TBC1D7: variants seen among roughly 807,000 people sequenced by gnomAD.
The protein encoded by TBC1D7 is TBC1 domain family member 7.
A neutral mutation model predicts 35.3 loss-of-function variants in TBC1D7; 33 were observed. That is an observed-to-expected ratio of 0.93 (90% CI 0.71 to 1.25). The LOEUF is 1.25. TBC1D7 is among the 50% of genes most tolerant of loss of function. The pLI, the probability that TBC1D7 is intolerant of heterozygous loss-of-function variation, is 0.00. For synonymous variants in TBC1D7, 135 were observed against 129.5 expected (o/e 1.04, Z -0.29); for missense variants, 362 against 365.3 (o/e 0.99, Z 0.07).
chr6:13,308,694 A>G (rs911501449), intron 5 of TBC1D7, among the ~76,000 whole-genome samples: 2 of 152,184 alleles, frequency 1.3e-5, no homozygotes, highest in Non-Finnish European at 2.9e-5. Context: ...CTCAATATCT[A>G]TACCTCTCTG....
intron 1 of TBC1D7, among the ~76,000 whole-genome samples, chr6:13,327,248 T>C (rs1250388713): frequency 6.6e-6 from 1 of 152,052 alleles, no homozygotes; most frequent in East Asian, 1.9e-4. Flanking sequence ...AGAAAAAAAA[T>C]AAGTGAAATG....
chr6:13,320,484 C>T lies in TBC1D7; in HGVS notation c.381+424G>A, dbSNP rs189454529. On this transcript the variant is annotated intron_variant, in intron 4 of 7. Coordinates refer to ENST00000379300, the MANE Select transcript of TBC1D7 (RefSeq NM_016495.6). Reference sequence around the variant, plus strand: ...AAAAAAAAATGTGTTTAAAAAAATACGTTTTAAAACAACAAAGCAAAACAG... The same window carrying T: ...AAAAAAAAATGTGTTTAAAAAAATATGTTTTAAAACAACAAAGCAAAACAG... 1,297 of 454,900 alleles carry T rather than the reference C, an allele frequency of 2.9e-3. 2 individuals are homozygous for T. Among genetic ancestry groups the T allele is most frequent in the Non-Finnish European group, 4.2e-3 (1,084 of 257,590 alleles). The allele number at this position is 454,900 out of a possible 1,614,324, so 28.2% of individuals were successfully genotyped here.
intron 6 of TBC1D7, 36 bp downstream of exon 6, chr6:13,307,564 C>A: frequency 6.2e-7 from 1 of 1,610,990 alleles, no homozygotes; most frequent in Non-Finnish European, 8.5e-7. Flanking sequence ...TGCTCTAACG[C>A]CAAGCCTTCA....
chr6:13,327,083 A>G, intron 1 of TBC1D7, 177 bp from the exon 2 acceptor site: 1 of 475,108 alleles, frequency 2.1e-6, no homozygotes. Context: ...TTCTGCAACT[A>G]TCTCACCTAT....
intron 2 of TBC1D7, 82 bp downstream of exon 2, chr6:13,326,705 T>C (rs1031171269): frequency 2.6e-4 from 210 of 802,928 alleles, no homozygotes; most frequent in Non-Finnish European, 3.1e-4. Context: ...CCAATGCTTC[T>C]GGATGTCTTT....
chr6:13,321,931 T>C (rs1784070771), intron 3 of TBC1D7, among the ~76,000 whole-genome samples: 1 of 152,182 alleles, frequency 6.6e-6, no homozygotes, highest in Non-Finnish European at 1.5e-5. Flanking sequence ...GGCACTAAGT[T>C]TTGCCATAAA....
At chr6:13,305,711 C>T (rs971071113) in intron 7 of TBC1D7, 10 of 174,246 alleles carry the variant, frequency 5.7e-5, no homozygotes, top group Admixed American at 5.4e-4. Flanking sequence ...CTCTTTAATC[C>T]TACTTCTTGC....
At chr6:13,323,095 G>T (rs372951181) in intron 3 of TBC1D7, among the ~76,000 whole-genome samples, 1 of 152,198 alleles carries the variant, frequency 6.6e-6, no homozygotes, top group Non-Finnish European at 1.5e-5. Flanking sequence ...TCTCATGCCT[G>T]TAATCCCAGC....
chr6:13,307,696 G>T lies in TBC1D7; in HGVS notation c.569C>A (p.Thr190Asn). Residue 190 changes from threonine (T) to asparagine (N), a missense_variant, in exon 6 of 8, where the codon ACT (threonine) becomes AAT (asparagine). Transcript: ENST00000379300. The part of the protein sequence containing the change: ...YLNLEDGRLL[T>N]HLRMCSAAPK... ...CGCCGCGGAACACATCCTCAGATGAGTCAGCAGTCTGCCATCTTCCAGATT... is the reference window on the plus strand; with the variant it reads ...CGCCGCGGAACACATCCTCAGATGATTCAGCAGTCTGCCATCTTCCAGATT... 1 of 1,614,126 alleles carries T rather than the reference G, an allele frequency of 6.2e-7. No homozygotes were observed. Among genetic ancestry groups the T allele is most frequent in the Non-Finnish European group, 8.5e-7 (1 of 1,179,996 alleles).
chr6:13,317,176 C>T (rs2496130), intron 4 of TBC1D7, among the ~76,000 whole-genome samples: 46,356 of 152,130 alleles, frequency 0.3, 7,509 homozygotes, highest in South Asian at 0.43. Flanking sequence ...AAAGCATTCA[C>T]GCATACCTTC....
intron 5 of TBC1D7, among the ~76,000 whole-genome samples, chr6:13,313,573 A>G (rs954868225): frequency 9.9e-5 from 15 of 152,228 alleles, no homozygotes; most frequent in Middle Eastern, 3.2e-3. Context: ...GCATACACAC[A>G]GGGAGCCTGG....
At chr6:13,313,696 T>C (rs946923579) in intron 5 of TBC1D7, among the ~76,000 whole-genome samples, 2 of 152,134 alleles carry the variant, frequency 1.3e-5, no homozygotes, top group Non-Finnish European at 2.9e-5. Flanking sequence ...ATGAGTGCCT[T>C]TCAACCCTTA....
At chr6:13,325,628 A>G (rs1484809346) in intron 2 of TBC1D7, among the ~76,000 whole-genome samples, 1 of 152,260 alleles carries the variant, frequency 6.6e-6, no homozygotes, top group African/African-American at 2.4e-5. Flanking sequence ...GTGCCACTGC[A>G]CTGCAGCCTG....
At chr6:13,317,344 C>T (rs1035848092) in intron 4 of TBC1D7, among the ~76,000 whole-genome samples, 1 of 151,998 alleles carries the variant, frequency 6.6e-6, no homozygotes, top group Non-Finnish European at 1.5e-5. Flanking sequence ...TTAGAAAAAC[C>T]GGGACCTTAT....
chr6:13,313,362 T>C (rs1783368544), intron 5 of TBC1D7, among the ~76,000 whole-genome samples: 1 of 152,252 alleles, frequency 6.6e-6, no homozygotes, highest in South Asian at 2.1e-4. Context: ...ATGTAAGACA[T>C]TGATACTATC....
intron 5 of TBC1D7, among the ~76,000 whole-genome samples, chr6:13,313,560 T>G (rs1783384327): frequency 6.9e-6 from 1 of 145,452 alleles, no homozygotes; most frequent in African/African-American, 2.6e-5. Flanking sequence ...CCTAGAGAGA[T>G]ACGCATACAC....
intron 1 of TBC1D7, among the ~76,000 whole-genome samples, chr6:13,327,512 A>C (rs2127546528): frequency 6.6e-6 from 1 of 152,342 alleles, no homozygotes; most frequent in African/African-American, 2.4e-5. Context: ...CGAGTTCCTC[A>C]CTTATCTTTC....
chr6:13,312,813 A>C (rs1448454998), intron 5 of TBC1D7, among the ~76,000 whole-genome samples: 1 of 151,866 alleles, frequency 6.6e-6, no homozygotes, highest in Non-Finnish European at 1.5e-5. Flanking sequence ...ATGCTGGCAA[A>C]TCTCATTGTA....
chr6:13,311,960 T>C (rs1783247424), intron 5 of TBC1D7, among the ~76,000 whole-genome samples: 2 of 151,326 alleles, frequency 1.3e-5, no homozygotes, highest in African/African-American at 4.8e-5. Flanking sequence ...TATATAAAAA[T>C]GTATTTATAT....
Sources: gnomAD v4.1 joint callset for allele counts (sites outside exome capture counted in the v4.1 genomes callset) on GRCh38, gnomAD v4.1.1 for gene constraint, MANE v1.5 for transcripts, NCBI Gene and HGNC (gene_info 2026-07-23, HGNC 2026-07-21) for gene names.